CXCL13: variants seen among roughly 807,000 people sequenced by gnomAD.
The protein encoded by CXCL13 is C-X-C motif chemokine ligand 13.
In CXCL13, 7 loss-of-function variants were observed where a neutral mutation model predicts 12.2. The ratio of observed to expected loss-of-function variants is 0.57; its 90% CI spans 0.33 to 1.07. The LOEUF is 1.07. Ranked by LOEUF, CXCL13 falls within the 50% of genes least tolerant of loss-of-function variation. CXCL13 has a pLI of 0.04. For synonymous variants in CXCL13, 47 were observed against 42.4 expected, an observed-to-expected ratio of 1.11 and a Z score of -0.42; for missense variants, 113 against 127.4, an observed-to-expected ratio of 0.89 and a Z score of 0.55.
At position 77,563,788 on chromosome 4, in the gene CXCL13, A is replaced by G. The variant is rs115060076; in HGVS notation, c.-42-42036A>G. ...ATTCTCCTCCTCATTGTTAGAATAT[A>G]TTGTCTTTTTTATATAACTGTCTTC... On this transcript the variant is annotated intron_variant, in intron 1 of 4. Coordinates refer to the CXCL13 transcript ENST00000286758. Among the ~76,000 whole-genome samples the G allele has an allele frequency of 5.5e-3, 837 of 152,262 alleles. 8 individuals carry two copies. The highest frequency in any genetic ancestry group is 0.018 in the African/African-American group (737 of 41,536).
intron 1 of CXCL13, among the ~76,000 whole-genome samples, chr4:77,580,436 T>TA (rs1353065613): frequency 1.4e-5 from 2 of 146,386 alleles, no homozygotes; most frequent in East Asian, 4.3e-4. Context: ...AAGCAATTCT[T>TA]CTGCCTCAGC....
intron 1 of CXCL13, among the ~76,000 whole-genome samples, chr4:77,607,345 C>A (rs1727021034): frequency 1.3e-5 from 2 of 152,016 alleles, no homozygotes; most frequent in Non-Finnish European, 2.9e-5. Flanking sequence ...GTTTTGTTTT[C>A]TTTTTGCTTT....
chr4:77,595,241 C>G (rs959242352), intron 1 of CXCL13, among the ~76,000 whole-genome samples: 7 of 152,016 alleles, frequency 4.6e-5, no homozygotes, highest in Admixed American at 1.3e-4. Flanking sequence ...ATGCTATAAT[C>G]AAGAAAACAT....
intron 1 of CXCL13, among the ~76,000 whole-genome samples, chr4:77,561,922 G>A (rs1263121737): frequency 6.6e-5 from 10 of 152,212 alleles, no homozygotes; most frequent in African/African-American, 1.9e-4. Context: ...GCTGCGCCCA[G>A]TGCTTGTGGG....
intron 1 of CXCL13, among the ~76,000 whole-genome samples, chr4:77,559,216 G>T (rs1464053447): frequency 6.6e-6 from 1 of 152,196 alleles, no homozygotes; most frequent in Non-Finnish European, 1.5e-5. Context: ...GGTTTATCAG[G>T]AGGTTCCCTT....
rs574890709 is a variant in CXCL13, at chr4:77,512,655, C to T, written c.-43+867C>T. On this transcript the variant is annotated intron_variant, in intron 1 of 4. Transcript: ENST00000286758. ...TGATCTCATTTTAACTTAATTGCCTCTTTAAAAACCCTGTCTCCAAATACA... is the reference window on the plus strand; with the variant it reads ...TGATCTCATTTTAACTTAATTGCCTTTTTAAAAACCCTGTCTCCAAATACA... Among the ~76,000 whole-genome samples, 228 of 152,252 alleles carry T rather than the reference C, an allele frequency of 1.5e-3. 1 individual carries two copies. The Middle Eastern group carries it at 0.017, about 11-fold the overall frequency.
intron 1 of CXCL13, among the ~76,000 whole-genome samples, chr4:77,596,740 G>A (rs535906241): frequency 6.1e-4 from 91 of 147,992 alleles, no homozygotes; most frequent in African/African-American, 1.9e-3. Context: ...AGCTGAGACC[G>A]CGCCATTGCA....
At chr4:77,561,772 G>C (rs754652905) in intron 1 of CXCL13, among the ~76,000 whole-genome samples, 2 of 152,198 alleles carry the variant, frequency 1.3e-5, no homozygotes, top group Admixed American at 1.3e-4. Context: ...CTTGGCCTCG[G>C]TGCACACTCT....
At chr4:77,568,013 G>A (rs1725978305) in intron 1 of CXCL13, among the ~76,000 whole-genome samples, 1 of 151,950 alleles carries the variant, frequency 6.6e-6, no homozygotes, top group African/African-American at 2.4e-5. Flanking sequence ...CTTGCCCTTG[G>A]CTCTTGAATT....
chr4:77,561,565 T>C (rs940353892), intron 1 of CXCL13, among the ~76,000 whole-genome samples: 3 of 152,240 alleles, frequency 2.0e-5, no homozygotes, highest in Non-Finnish European at 4.4e-5. Context: ...TCTTGGAGTG[T>C]AGCACCATCT....
intron 1 of CXCL13, among the ~76,000 whole-genome samples, chr4:77,538,563 G>T (rs1329816834): frequency 6.6e-6 from 1 of 151,960 alleles, no homozygotes; most frequent in South Asian, 2.1e-4. Context: ...CTAATTTGAA[G>T]AGAAAAAGAT....
chr4:77,546,841 A>G lies in CXCL13; in HGVS notation c.-43+35053A>G, dbSNP rs964494649. 2.6e-5 allele frequency among the ~76,000 whole-genome samples: 4 copies of G among 151,956 alleles called. No individual in the cohort carries two copies. In the East Asian group the frequency reaches 7.7e-4, roughly 29 times the overall value. ...TTTTAATTGTGATGTTAGGGTGTTGATTTTAGATCTTTCCTGCTTTCTCTT... is the reference window on the plus strand; with the variant it reads ...TTTTAATTGTGATGTTAGGGTGTTGGTTTTAGATCTTTCCTGCTTTCTCTT... On this transcript the variant is annotated intron_variant, in intron 1 of 4. Coordinates refer to the CXCL13 transcript ENST00000286758.
At chr4:77,558,535 T>C (rs1167249668) in intron 1 of CXCL13, among the ~76,000 whole-genome samples, 1 of 152,160 alleles carries the variant, frequency 6.6e-6, no homozygotes, top group African/African-American at 2.4e-5. Context: ...GTATTTTTAG[T>C]AGAGATGAGG....
At chr4:77,578,262 C>T (rs770550970) in intron 1 of CXCL13, among the ~76,000 whole-genome samples, 1 of 152,126 alleles carries the variant, frequency 6.6e-6, no homozygotes, top group Non-Finnish European at 1.5e-5. Flanking sequence ...CTATCAAACT[C>T]CAAACAGTCA....
chr4:77,567,957 T>C (rs1490456186), intron 1 of CXCL13, among the ~76,000 whole-genome samples: 2 of 152,194 alleles, frequency 1.3e-5, no homozygotes, highest in African/African-American at 4.8e-5. Flanking sequence ...ATTCCTTTAC[T>C]TTCCTTTACT....
At chr4:77,594,606 A>C (rs1726701880) in intron 1 of CXCL13, among the ~76,000 whole-genome samples, 1 of 152,148 alleles carries the variant, frequency 6.6e-6, no homozygotes, top group Admixed American at 6.5e-5. Flanking sequence ...GCAGCTGGGC[A>C]GGTCCAGGGG....
At chr4:77,562,037 G>C (rs1725827054) in intron 1 of CXCL13, among the ~76,000 whole-genome samples, 1 of 152,170 alleles carries the variant, frequency 6.6e-6, no homozygotes, top group South Asian at 2.1e-4. Context: ...GGGTGCGCCG[G>C]GTCCCCCAGC....
At chr4:77,545,037 G>C (rs1026703604) in intron 1 of CXCL13, among the ~76,000 whole-genome samples, 2 of 152,074 alleles carry the variant, frequency 1.3e-5, no homozygotes, top group African/African-American at 4.8e-5. Flanking sequence ...TGTCAGATTT[G>C]TCAAAGATCT....
rs972634359 is a variant in CXCL13, at chr4:77,611,741, G to A, written c.*702G>A. On this transcript the variant is annotated 3_prime_UTR_variant, in exon 4 of 4. Coordinates refer to ENST00000682537, the MANE Select transcript of CXCL13 (RefSeq NM_001371558.1). The stretch of plus-strand genomic sequence containing the variant: ...ATCTTTTTCACTGACTTTTTTTGTG[G>A]GGGGCGGGGCCGGGGGGACTCTGGT... 8 of 395,362 alleles carry A rather than the reference G, an allele frequency of 2.0e-5. No individual in the cohort carries two copies. The highest frequency in any genetic ancestry group is 1.3e-4 in the African/African-American group (6 of 45,488). 24.5% of individuals were successfully genotyped at this position (395,362 alleles called of 1,614,324 possible).
Sources: allele counts gnomAD v4.1 joint callset (sites outside exome capture counted in the v4.1 genomes callset), GRCh38; gene constraint gnomAD v4.1.1; transcripts MANE v1.5; gene names NCBI Gene and HGNC (gene_info 2026-07-23, HGNC 2026-07-21).